Variants in RAB40B observed in about 807,000 individuals in gnomAD.
RAB40B encodes the protein RAB40B, member RAS oncogene family.
In RAB40B, 21 loss-of-function variants were observed where a neutral mutation model predicts 24.0. The observed-to-expected ratio is 0.88, with a 90% CI of 0.62 to 1.26. The LOEUF (loss-of-function observed/expected upper bound fraction) is 1.26, where lower values mean the gene tolerates loss of function less well. Among genes scored for constraint, RAB40B ranks in the 50% most tolerant of loss-of-function variants. The pLI is 0.00. For missense variants in RAB40B, 348 were observed against 390.5 expected, an observed-to-expected ratio of 0.89 and a Z score of 0.92; for synonymous variants, 167 against 169.8, an observed-to-expected ratio of 0.98 and a Z score of 0.13.
At position 82,673,845 on chromosome 17, in the gene RAB40B, C is replaced by A. The variant is rs80151141; in HGVS notation, c.143-9289G>T. Among the ~76,000 whole-genome samples the A allele has an allele frequency of 2.9e-4, 44 of 152,260 alleles. No individual in the cohort carries two copies. In the East Asian group the frequency reaches 8.1e-3, roughly 28 times the overall value. On this transcript the variant is annotated intron_variant, in intron 1 of 5. Transcript: ENST00000571995. ...AACTTTCTTGGATAATTTGTTCTCT[C>A]CTTCTGGGATGTGATTAATCAGATA...
intron 2 of RAB40B, chr17:82,661,381 T>TG (rs1183045483): frequency 1.5e-5 from 11 of 733,572 alleles, no homozygotes; most frequent in Non-Finnish European, 1.9e-5. Flanking sequence ...GTAAGGAGTG[T>TG]GGGTCTACAC....
chr17:82,659,332 C>T (rs866367905), intron 4 of RAB40B: 28 of 513,596 alleles, frequency 5.5e-5, no homozygotes, highest in Admixed American at 1.4e-4. Flanking sequence ...CACGCATAGC[C>T]GAGGTACGCC....
chr17:82,693,133 G>A (rs1224436389), intron 1 of RAB40B, among the ~76,000 whole-genome samples: 1 of 151,996 alleles, frequency 6.6e-6, no homozygotes, highest in Non-Finnish European at 1.5e-5. Context: ...CTCCCGAGTA[G>A]CTGGGAATAC....
chr17:82,668,465 C>T (rs1418362745), intron 1 of RAB40B, among the ~76,000 whole-genome samples: 2 of 152,252 alleles, frequency 1.3e-5, no homozygotes, highest in African/African-American at 2.4e-5. Flanking sequence ...TTGTTCATGC[C>T]AAGGGGCGCC....
In RAB40B at chr17:82,663,600, G is replaced by A. The variant is rs534896193; in HGVS notation, c.203+896C>T. Among the ~76,000 whole-genome samples the A allele has an allele frequency of 3.9e-5, 6 of 152,094 alleles. 1 individual carries two copies. The highest frequency in any genetic ancestry group is 3.9e-4 in the Admixed American group (6 of 15,286). The stretch of plus-strand genomic sequence containing the variant: ...TGGGGTTCTCACAGCTGAGAGAGCA[G>A]AGCCAGCAGCCCCAGGCTGGCCAGC... On this transcript the variant is annotated intron_variant, in intron 2 of 5. Coordinates refer to ENST00000571995, the MANE Select transcript of RAB40B (RefSeq NM_006822.3). The surrounding 1 kb of genome is among the most constrained non-coding windows in gnomAD (Gnocchi z 6.2).
chr17:82,681,261 C>A (rs2046447016), intron 1 of RAB40B, among the ~76,000 whole-genome samples: 1 of 152,030 alleles, frequency 6.6e-6, no homozygotes, highest in Non-Finnish European at 1.5e-5. Context: ...ATTTATATAA[C>A]TCAAAGATTG....
At chr17:82,688,303 C>T (rs958564284) in intron 1 of RAB40B, among the ~76,000 whole-genome samples, 8 of 151,728 alleles carry the variant, frequency 5.3e-5, no homozygotes, top group African/African-American at 1.9e-4. Flanking sequence ...CCATGCCTGG[C>T]CCTCATGACC....
At chr17:82,661,795 G>A (rs1323935399) in intron 2 of RAB40B, 1 of 454,748 alleles carries the variant, frequency 2.2e-6, no homozygotes, top group African/African-American at 2.2e-5. Flanking sequence ...GCTGAGGCAG[G>A]AGAATTGTTT....
intron 4 of RAB40B, 147 bp downstream of exon 4, chr17:82,659,433 C>A: frequency 4.4e-6 from 3 of 686,630 alleles, no homozygotes. Flanking sequence ...CGAGGTGAGG[C>A]ACCCTCCTTC....
chr17:82,666,594 C>G (rs968790073), intron 1 of RAB40B, among the ~76,000 whole-genome samples: 1 of 152,064 alleles, frequency 6.6e-6, no homozygotes, highest in African/African-American at 2.4e-5. Flanking sequence ...CCATCACCCC[C>G]CAGACACCAG....
chr17:82,668,394 G>C (rs1270332607), intron 1 of RAB40B: 1 of 154,238 alleles, frequency 6.5e-6, no homozygotes, highest in Non-Finnish European at 1.5e-5. Flanking sequence ...GCTTCACCAG[G>C]GACCTGCCCC....
intron 1 of RAB40B, among the ~76,000 whole-genome samples, chr17:82,666,488 A>G (rs1174059958): frequency 6.7e-6 from 1 of 148,756 alleles, no homozygotes; most frequent in Admixed American, 6.6e-5. Context: ...CAGGTGATCC[A>G]CTTGTCTCGG....
At chr17:82,673,136 G>A (rs1427070248) in intron 1 of RAB40B, among the ~76,000 whole-genome samples, 30 of 152,216 alleles carry the variant, frequency 2.0e-4, no homozygotes, top group African/African-American at 5.5e-4. Context: ...CCCGGCAGGC[G>A]GAGGTTGCAG....
At chr17:82,695,445 C>T (rs981332761) in intron 1 of RAB40B, among the ~76,000 whole-genome samples, 2 of 151,312 alleles carry the variant, frequency 1.3e-5, no homozygotes, top group African/African-American at 4.9e-5. Context: ...CCACCTTGGC[C>T]TCCCCAAGTG....
At chr17:82,689,476 A>G (rs997573873) in intron 1 of RAB40B, among the ~76,000 whole-genome samples, 4 of 152,186 alleles carry the variant, frequency 2.6e-5, no homozygotes, top group African/African-American at 9.7e-5. Flanking sequence ...GGCTGGGGTT[A>G]CAGAAGTAAC....
chr17:82,669,433 C>G (rs1179581712), intron 1 of RAB40B, among the ~76,000 whole-genome samples: 1 of 151,978 alleles, frequency 6.6e-6, no homozygotes, highest in East Asian at 1.9e-4. Flanking sequence ...CGAGATCACA[C>G]CATTTCACTC....
rs542265291 is a variant in RAB40B, at chr17:82,697,738, C to G, written c.142+717G>C. 6.6e-6 allele frequency among the ~76,000 whole-genome samples: 1 copy of G among 152,222 alleles called. No homozygotes were observed. The highest frequency in any genetic ancestry group is 1.5e-5 in the Non-Finnish European group (1 of 68,032). On this transcript the variant is annotated intron_variant, in intron 1 of 5. Transcript: ENST00000571995. This position sits in a 1 kb window ranked among gnomAD's most constrained non-coding sequence, Gnocchi z 4.9. ...CGTCCACCCCCTCGCCGGGCGCCGG[C>G]TTTCAAGCCTCAAACTTGGGGGATC...
In RAB40B at chr17:82,663,482, G is replaced by A. The variant is rs551816819; in HGVS notation, c.203+1014C>T. On this transcript the variant is annotated intron_variant, in intron 2 of 5. Coordinates refer to ENST00000571995, the MANE Select transcript of RAB40B (RefSeq NM_006822.3). The surrounding 1 kb of genome is among the most constrained non-coding windows in gnomAD (Gnocchi z 6.2). ...AGGAGCTCCCCCCATCCCAAGCCAA[G>A]AGCGGGTGGAGGGAGAGGTGTTCCA... Among the ~76,000 whole-genome samples, 1 of 152,244 alleles carries A rather than the reference G, an allele frequency of 6.6e-6. No individual in the cohort carries two copies. Among genetic ancestry groups the A allele is most frequent in the African/African-American group, 2.4e-5 (1 of 41,558 alleles).
chr17:82,662,281 C>G, intron 2 of RAB40B: 1 of 985,488 alleles, frequency 1.0e-6, no homozygotes, highest in Non-Finnish European at 1.2e-6. Context: ...TCAGCAGGAC[C>G]TCAGGTGCTC....
Sources: gnomAD v4.1 joint callset for allele counts (sites outside exome capture counted in the v4.1 genomes callset) on GRCh38, gnomAD v4.1.1 for gene constraint, Gnocchi (gnomAD v3.1) non-coding constraint, MANE v1.5 for transcripts, NCBI Gene and HGNC (gene_info 2026-07-23, HGNC 2026-07-21) for gene names.